The following SAMD12 variants were observed in gnomAD, a reference collection of about 807,000 sequenced individuals.
SAMD12 encodes the protein sterile alpha motif domain containing 12, also known as sterile alpha motif domain-containing protein 12.
SAMD12 carries 9 observed loss-of-function variants against 15.0 expected under a neutral mutation model. The observed-to-expected ratio is 0.60, with a 90% CI of 0.36 to 1.05. The LOEUF (loss-of-function observed/expected upper bound fraction) is 1.05. Ranked by LOEUF, SAMD12 falls within the 50% of genes least tolerant of loss-of-function variation. The pLI is 0.01. For synonymous variants in SAMD12, 86 were observed against 90.1 expected (o/e 0.96, Z 0.25); for missense variants, 230 against 234.2 (o/e 0.98, Z 0.12).
intron 2 of SAMD12, among the ~76,000 whole-genome samples, chr8:118,440,694 AC>A (rs1563861858): frequency 0.012 from 1,630 of 138,806 alleles, 33 homozygotes; most frequent in African/African-American, 0.044. Context: ...ACACACACAC[AC>A]AAACACACAC....
At chr8:118,457,327 C>A (rs1291298844) in intron 2 of SAMD12, among the ~76,000 whole-genome samples, 1 of 151,290 alleles carries the variant, frequency 6.6e-6, no homozygotes, top group Non-Finnish European at 1.5e-5. Flanking sequence ...AACTCCTGGG[C>A]TCAGGGAATC....
intron 2 of SAMD12, among the ~76,000 whole-genome samples, chr8:118,480,620 T>C (rs1371293150): frequency 6.6e-6 from 1 of 152,178 alleles, no homozygotes; most frequent in East Asian, 1.9e-4. Flanking sequence ...CTGGTCCCCC[T>C]TCACTGACTT....
At chr8:118,280,586 A>G (rs1056765785) in intron 4 of SAMD12, among the ~76,000 whole-genome samples, 4 of 152,192 alleles carry the variant, frequency 2.6e-5, no homozygotes, top group African/African-American at 7.2e-5. Flanking sequence ...ACTCTGGACT[A>G]TCAAACTTAG....
intron 1 of SAMD12, among the ~76,000 whole-genome samples, chr8:118,594,835 T>C (rs142883764): frequency 1.4e-3 from 208 of 152,338 alleles, no homozygotes; most frequent in Middle Eastern, 0.01. Flanking sequence ...TGTGTTGATA[T>C]ACAAGCATCC....
At chr8:118,557,608 C>T (rs190594960) in intron 2 of SAMD12, among the ~76,000 whole-genome samples, 4 of 152,266 alleles carry the variant, frequency 2.6e-5, no homozygotes, top group African/African-American at 9.6e-5. Flanking sequence ...TAGTGGTACA[C>T]AGACTTTTTC....
At chr8:118,297,845 T>C (rs1221166414) in intron 4 of SAMD12, among the ~76,000 whole-genome samples, 3 of 152,200 alleles carry the variant, frequency 2.0e-5, no homozygotes, top group South Asian at 4.1e-4. Flanking sequence ...TTTTAAATAA[T>C]GTAATGTTTA....
At chr8:118,500,067 CTTTTTTTTTTTTT>C (rs563321387) in intron 2 of SAMD12, among the ~76,000 whole-genome samples, 1 of 72,572 alleles carries the variant, frequency 1.4e-5, no homozygotes, top group Non-Finnish European at 2.4e-5. Flanking sequence ...TGAGTTTTGC[CTTTTTTTTTTTTT>C]TTTTTTTTTT....
intron 4 of SAMD12, among the ~76,000 whole-genome samples, chr8:118,249,934 C>A (rs28370858): frequency 2.6e-5 from 4 of 152,126 alleles, no homozygotes; most frequent in African/African-American, 7.2e-5. Flanking sequence ...GGGTGACCAT[C>A]AGCAGGCAGA....
At chr8:118,589,672 A>G (rs1185958174) in intron 1 of SAMD12, among the ~76,000 whole-genome samples, 2 of 152,200 alleles carry the variant, frequency 1.3e-5, no homozygotes, top group Admixed American at 6.5e-5. Context: ...TTCAGGTATC[A>G]CTTTGAGAGA....
At chr8:118,287,941 T>C (rs922886525) in intron 4 of SAMD12, among the ~76,000 whole-genome samples, 1 of 152,166 alleles carries the variant, frequency 6.6e-6, no homozygotes, top group Non-Finnish European at 1.5e-5. Context: ...GAAAATGACA[T>C]GGAAAGCTTC....
intron 2 of SAMD12, among the ~76,000 whole-genome samples, chr8:118,532,803 A>C (rs1441766625): frequency 6.6e-6 from 1 of 151,798 alleles, no homozygotes; most frequent in Non-Finnish European, 1.5e-5. Context: ...ATCATTTTTT[A>C]TTGCATCTAT....
intron 1 of SAMD12, among the ~76,000 whole-genome samples, chr8:118,581,596 A>T (rs1051820769): frequency 6.6e-6 from 1 of 152,208 alleles, no homozygotes; most frequent in African/African-American, 2.4e-5. Context: ...CATGCCCTGT[A>T]ACATAGATAT....
At chr8:118,230,367 G>C (rs980739709) in intron 4 of SAMD12, among the ~76,000 whole-genome samples, 2 of 152,162 alleles carry the variant, frequency 1.3e-5, no homozygotes, top group Non-Finnish European at 2.9e-5. Context: ...TGGACTCATG[G>C]TTTTCTAGAC....
At chr8:118,371,270 T>C (rs1280489641) in intron 4 of SAMD12, among the ~76,000 whole-genome samples, 1 of 152,150 alleles carries the variant, frequency 6.6e-6, no homozygotes, top group Non-Finnish European at 1.5e-5. Context: ...AATAATGTTG[T>C]CAGAAATATA....
intron 4 of SAMD12, among the ~76,000 whole-genome samples, chr8:118,287,193 C>T (rs1814082481): frequency 6.7e-6 from 1 of 149,136 alleles, no homozygotes. Flanking sequence ...GGCTCTATCT[C>T]GGCTCACTGC....
chr8:118,471,847 G>A (rs1164146974), intron 2 of SAMD12, among the ~76,000 whole-genome samples: 2 of 152,136 alleles, frequency 1.3e-5, no homozygotes, highest in Admixed American at 1.3e-4. Context: ...ACAAAGTAGG[G>A]TGGTAGATCT....
At chr8:118,547,459 C>T (rs1305259228) in intron 2 of SAMD12, among the ~76,000 whole-genome samples, 13 of 152,192 alleles carry the variant, frequency 8.5e-5, no homozygotes, top group Admixed American at 8.5e-4. Flanking sequence ...ATCATTTACA[C>T]TTCCCTTGCC....
the SAMD12 span, among the ~76,000 whole-genome samples, chr8:118,176,151 A>G: frequency 1.3e-5 from 2 of 152,092 alleles, no homozygotes; most frequent in African/African-American, 2.4e-5. Context: ...TATACAAAAT[A>G]TCAGCTGGGC....
chr8:118,329,089 C>G (rs10100967), intron 4 of SAMD12, among the ~76,000 whole-genome samples: 12,347 of 151,980 alleles, frequency 0.081, 891 homozygotes, highest in African/African-American at 0.17. Flanking sequence ...CAGTTGTTTG[C>G]TAAAGATTAA....
Sources: allele counts gnomAD v4.1 joint callset (sites outside exome capture counted in the v4.1 genomes callset), GRCh38; gene constraint gnomAD v4.1.1; transcripts MANE v1.5; gene names NCBI Gene and HGNC (gene_info 2026-07-23, HGNC 2026-07-21).